The following DEPDC5 variants were observed in gnomAD, a reference collection of about 807,000 sequenced individuals.
DEPDC5 encodes GATOR1 complex protein DEPDC5.
DEPDC5 carries 73 observed loss-of-function variants against 217.3 expected under a neutral mutation model. The observed-to-expected ratio is 0.34, with a 90% CI of 0.28 to 0.41. The LOEUF (loss-of-function observed/expected upper bound fraction) is 0.41. Among genes scored for constraint, DEPDC5 ranks in the 10% least tolerant of loss-of-function variants. The probability of loss-of-function intolerance (pLI) is 1.00; values close to 1 mark genes in which losing one functional copy is unlikely to be tolerated. For missense variants in DEPDC5, 1,675 were observed against 2,070.1 expected, an observed-to-expected ratio of 0.81 and a Z score of 3.70; for synonymous variants, 733 against 756.7, an observed-to-expected ratio of 0.97 and a Z score of 0.51.
At chr22:31,816,954 T>C (rs2148781561) in intron 21 of DEPDC5, 2 of 153,280 alleles carry the variant, frequency 1.3e-5, no homozygotes, top group South Asian at 4.1e-4. Context: ...TGACTGTGCA[T>C]TTTTAAGCAT....
chr22:31,777,229 G>T (rs1446802613), intron 7 of DEPDC5, among the ~76,000 whole-genome samples: 1 of 148,434 alleles, frequency 6.7e-6, no homozygotes, highest in African/African-American at 2.5e-5. Context: ...CAACGTGTTG[G>T]GATTATAGGC....
intron 41 of DEPDC5, 89 bp downstream of exon 41, chr22:31,901,891 T>A: frequency 7.9e-7 from 1 of 1,261,754 alleles, no homozygotes; most frequent in Non-Finnish European, 1.1e-6. Flanking sequence ...TTTTTTTAGC[T>A]CCTAGAGAAA....
intron 36 of DEPDC5, chr22:31,875,261 T>A (rs2092957872): frequency 6.0e-6 from 1 of 167,046 alleles, no homozygotes; most frequent in African/African-American, 2.4e-5. Context: ...GAGAATACGA[T>A]TTCCTTATTC....
intron 33 of DEPDC5, 85 bp downstream of exon 33, chr22:31,861,518 ATTGGGCTGCAACTAAGT>A: frequency 7.2e-7 from 1 of 1,395,320 alleles, no homozygotes; most frequent in South Asian, 1.2e-5. Context: ...AACACATGGA[ATTGGGCTGCAACTAAGT>A]TTGGGGGGCA....
At chr22:31,797,992 A>T (rs1251351637) in intron 13 of DEPDC5, among the ~76,000 whole-genome samples, 3 of 150,222 alleles carry the variant, frequency 2.0e-5, no homozygotes, top group African/African-American at 4.9e-5. Context: ...TGGAGCAATT[A>T]TACTGTAACT....
At chr22:31,788,919 C>G (rs1326868171) in intron 10 of DEPDC5, among the ~76,000 whole-genome samples, 2 of 151,998 alleles carry the variant, frequency 1.3e-5, no homozygotes, top group Non-Finnish European at 1.5e-5. Context: ...TAGAGACAGT[C>G]TCGCTCTGTC....
chr22:31,818,924 A>G, intron 21 of DEPDC5, 98 bp from the exon 22 acceptor site: 1 of 1,265,556 alleles, frequency 7.9e-7, no homozygotes, highest in Non-Finnish European at 1.1e-6. Context: ...TATAATGCCC[A>G]AGATTCTTGT....
In DEPDC5 at chr22:31,870,570, C is replaced by A. The variant is rs2092812665; in HGVS notation, c.3331-20C>A. ...TCAGTTATTTTTGGAATCAAGTATT[C>A]ATTTTTAAATCTCCTGCAGGTATCT... On this transcript the variant is annotated intron_variant, in intron 33 of 42. Transcript: ENST00000651528. 1.3e-6 allele frequency: 2 copies of A among 1,483,698 alleles called. No homozygotes were observed. Among genetic ancestry groups the A allele is most frequent in the Middle Eastern group, 1.8e-4 (1 of 5,504 alleles). The allele number at this position is 1,483,698 out of a possible 1,614,324, so 91.9% of individuals were successfully genotyped here.
At position 31,815,779 on chromosome 22, in the gene DEPDC5, T is replaced by C. The variant is rs1032921449; in HGVS notation, c.1666+567T>C. 1.2e-5 allele frequency: 15 copies of C among 1,240,174 alleles called. No homozygotes were observed. In the Admixed American group the frequency reaches 2.6e-4, roughly 22 times the overall value. 76.8% of individuals were successfully genotyped at this position (1,240,174 alleles called of 1,614,324 possible). A position where few individuals can be genotyped will look rare whatever the true frequency, so the allele number is the denominator to read the frequency against. On this transcript the variant is annotated intron_variant, in intron 21 of 42. Transcript: ENST00000651528. The stretch of plus-strand genomic sequence containing the variant: ...CTCCTGGACTCGAGGGATCCACCCA[T>C]TGGCCTCCAAAAGTGCTGAGATTAC...
At chr22:31,896,080 G>A (rs1280819108) in intron 39 of DEPDC5, among the ~76,000 whole-genome samples, 1 of 151,674 alleles carries the variant, frequency 6.6e-6, no homozygotes, top group Non-Finnish European at 1.5e-5. Flanking sequence ...AGTTGGGCAG[G>A]AAGGACAGTG....
chr22:31,834,707 G>T (rs2090862733), intron 25 of DEPDC5, among the ~76,000 whole-genome samples: 1 of 151,968 alleles, frequency 6.6e-6, no homozygotes, highest in Non-Finnish European at 1.5e-5. Context: ...AGTAGAGACG[G>T]GGTTTCACCA....
rs868223077 is a variant in DEPDC5 at position 31,901,904 on chromosome 22, G to C, written c.4436+102G>C. The C allele has an allele frequency of 2.7e-5, 30 of 1,099,152 alleles. No homozygotes were observed. The African/African-American group carries it at 4.7e-4, about 17-fold the overall frequency. The allele number at this position is 1,099,152 out of a possible 1,614,324, so 68.1% of individuals were successfully genotyped here. On this transcript the variant is annotated intron_variant, in intron 41 of 42. Coordinates refer to ENST00000651528, the MANE Select transcript of DEPDC5 (RefSeq NM_001242896.3). ...CATTTTTTTAGCTCCTAGAGAAAGG[G>C]ATGTATTCCACCAATGGCAAATTCA...
chr22:31,846,980 T>G lies in DEPDC5; in HGVS notation c.3155+13T>G, dbSNP rs762788928. ...AGGCCAGTCAGAAGTAAGTGCTTGG[T>G]GGAAGACTGACTTGTCCCCACCTTG... On this transcript the variant is annotated intron_variant, in intron 31 of 42. Transcript: ENST00000651528. 3 of 1,614,232 alleles carry G rather than the reference T, an allele frequency of 1.9e-6. No homozygotes were observed. The highest frequency in any genetic ancestry group is 2.5e-6 in the Non-Finnish European group (3 of 1,180,032).
At chr22:31,859,079 G>GTTTTTTTTTTTTTTTTTTTTTTT (rs136864) in intron 32 of DEPDC5, 1 of 67,008 alleles carries the variant, frequency 1.5e-5, no homozygotes, top group Non-Finnish European at 2.8e-5. Context: ...CCATTCCTTT[G>GTTTTTTTTTTTTTTTTTTTTTTT]TTTTTTTTTT....
intron 3 of DEPDC5, among the ~76,000 whole-genome samples, chr22:31,759,162 C>T (rs113324982): frequency 2.6e-5 from 4 of 152,096 alleles, no homozygotes; most frequent in Non-Finnish European, 5.9e-5. Context: ...GAACTCCTGA[C>T]CTCAGGTAAT....
chr22:31,856,398 A>T (rs1225696342), intron 31 of DEPDC5, among the ~76,000 whole-genome samples: 1 of 152,234 alleles, frequency 6.6e-6, no homozygotes, highest in African/African-American at 2.4e-5. Context: ...CGCACTGTCC[A>T]TCACAAGAAG....
At chr22:31,792,612 A>T in intron 11 of DEPDC5, 133 bp from the exon 12 acceptor site, 1 of 500,806 alleles carries the variant, frequency 2.0e-6, no homozygotes, top group Non-Finnish European at 3.1e-6. Flanking sequence ...TCTCAAAAAA[A>T]AAAAAAAAAA....
intron 12 of DEPDC5, among the ~76,000 whole-genome samples, chr22:31,794,720 C>CA (rs1230916802): frequency 6.6e-6 from 1 of 151,906 alleles, no homozygotes; most frequent in African/African-American, 2.4e-5. Flanking sequence ...CCTGTCTCTA[C>CA]AAAAAAATAC....
intron 33 of DEPDC5, among the ~76,000 whole-genome samples, chr22:31,864,522 ATATTTATATATT>A (rs1480414012): frequency 2.6e-4 from 35 of 132,920 alleles, no homozygotes; most frequent in African/African-American, 8.5e-4. Context: ...ATATATATAT[ATATTTATATATT>A]TATTTATTTA....
Sources: allele counts gnomAD v4.1 joint callset (sites outside exome capture counted in the v4.1 genomes callset), GRCh38; gene constraint gnomAD v4.1.1; transcripts MANE v1.5; gene names NCBI Gene and HGNC (gene_info 2026-07-23, HGNC 2026-07-21).